Variants in RIMS2 observed in about 807,000 individuals in gnomAD.
RIMS2 encodes the protein regulating synaptic membrane exocytosis 2.
In RIMS2, 59 loss-of-function variants were observed where a neutral mutation model predicts 174.4. The ratio of observed to expected loss-of-function variants is 0.34; its 90% CI spans 0.27 to 0.42. The LOEUF (loss-of-function observed/expected upper bound fraction) is 0.42. RIMS2 is among the 10% of genes least tolerant of loss of function. RIMS2 has a pLI of 1.00. For synonymous variants in RIMS2, 606 were observed against 572.5 expected (o/e 1.06, Z -0.84); for missense variants, 1,620 against 1,666.3 (o/e 0.97, Z 0.48).
chr8:104,119,054 C>T (rs982060475), intron 19 of RIMS2, among the ~76,000 whole-genome samples: 3 of 151,886 alleles, frequency 2.0e-5, no homozygotes, highest in Non-Finnish European at 4.4e-5. Context: ...GGCACGGACA[C>T]GTACAAATTT....
chr8:103,756,326 C>T (rs1430125825), intron 2 of RIMS2, among the ~76,000 whole-genome samples: 9 of 150,602 alleles, frequency 6.0e-5, no homozygotes, highest in Admixed American at 2.6e-4. Flanking sequence ...AGACCGGAGC[C>T]GTTCCTAGTC....
intron 19 of RIMS2, among the ~76,000 whole-genome samples, chr8:104,189,801 C>A (rs2136309869): frequency 1.3e-5 from 2 of 151,794 alleles, no homozygotes; most frequent in East Asian, 3.9e-4. Context: ...AGTTTTTAAT[C>A]TGAATCTCTG....
At chr8:103,908,131 T>A (rs2074886738) in intron 4 of RIMS2, among the ~76,000 whole-genome samples, 1 of 152,024 alleles carries the variant, frequency 6.6e-6, no homozygotes, top group Admixed American at 6.5e-5. Context: ...AACCTCCGCC[T>A]CCCAGGTTCA....
chr8:104,062,702 A>G (rs2097024470), intron 19 of RIMS2, among the ~76,000 whole-genome samples: 1 of 152,178 alleles, frequency 6.6e-6, no homozygotes. Flanking sequence ...TTCATTTGAT[A>G]CATACTTAAA....
chr8:103,920,337 AT>A (rs2077365778), intron 9 of RIMS2, among the ~76,000 whole-genome samples: 1 of 152,040 alleles, frequency 6.6e-6, no homozygotes, highest in Non-Finnish European at 1.5e-5. Flanking sequence ...CAAAGAATAC[AT>A]TCTGTTGTGT....
rs556751263 is a variant in RIMS2 at position 103,597,413 on chromosome 8, C to T, written c.176+96351C>T. 1.7e-3 allele frequency among the ~76,000 whole-genome samples: 260 copies of T among 152,196 alleles called. 1 individual carries two copies. Among genetic ancestry groups the T allele is most frequent in the Non-Finnish European group, 3.0e-3 (207 of 68,004 alleles). On this transcript the variant is annotated intron_variant, in intron 1 of 23. Transcript: ENST00000504942. ...CCTCTTGTGTCCCTGTTTATGCATA[C>T]CCTTCTGGCTCTGGCTCCATTTAGC...
intron 19 of RIMS2, among the ~76,000 whole-genome samples, chr8:104,078,163 C>CAA (rs36009469): frequency 7.4e-6 from 1 of 134,282 alleles, no homozygotes. Flanking sequence ...AAAAACAAAC[C>CAA]AAAAAAAAAA....
At chr8:103,767,759 T>A (rs2098193512) in intron 3 of RIMS2, among the ~76,000 whole-genome samples, 1 of 152,312 alleles carries the variant, frequency 6.6e-6, no homozygotes, top group Non-Finnish European at 1.5e-5. Context: ...AAACAATGAC[T>A]GCACCAGTTC....
intron 4 of RIMS2, among the ~76,000 whole-genome samples, chr8:103,900,165 A>G (rs991584254): frequency 6.6e-6 from 1 of 151,502 alleles, no homozygotes; most frequent in Admixed American, 6.6e-5. Flanking sequence ...ATCCAGCCAA[A>G]CTAAGCTTCA....
chr8:103,718,711 A>G (rs570036688), intron 2 of RIMS2, among the ~76,000 whole-genome samples: 26 of 151,860 alleles, frequency 1.7e-4, no homozygotes, highest in African/African-American at 6.3e-4. Flanking sequence ...TCTGTTGCCC[A>G]GGCTGGAGTG....
intron 1 of RIMS2, among the ~76,000 whole-genome samples, chr8:103,647,271 T>C (rs1480553120): frequency 6.6e-6 from 1 of 152,156 alleles, no homozygotes; most frequent in Non-Finnish European, 1.5e-5. Context: ...TTTGCATCAG[T>C]GTTCATCAAG....
chr8:103,564,187 T>C (rs1283293285), intron 1 of RIMS2, among the ~76,000 whole-genome samples: 1 of 152,202 alleles, frequency 6.6e-6, no homozygotes, highest in African/African-American at 2.4e-5. Flanking sequence ...TTTGTTCAAC[T>C]CATCCAAAGT....
intron 3 of RIMS2, among the ~76,000 whole-genome samples, chr8:103,776,339 G>A (rs548298112): frequency 1.7e-4 from 26 of 152,198 alleles, no homozygotes; most frequent in African/African-American, 6.3e-4. Context: ...TGACATTGCT[G>A]TGCCATTTGC....
At chr8:103,884,142 CG>C (rs1021347919) in intron 3 of RIMS2, among the ~76,000 whole-genome samples, 10 of 151,686 alleles carry the variant, frequency 6.6e-5, no homozygotes, top group African/African-American at 2.4e-4. Context: ...TTCTGTGACC[CG>C]GGGGAGATAT....
intron 3 of RIMS2, among the ~76,000 whole-genome samples, chr8:103,840,051 A>G (rs2098930444): frequency 6.6e-6 from 1 of 152,214 alleles, no homozygotes; most frequent in Non-Finnish European, 1.5e-5. Context: ...CCGCTTTCTC[A>G]AGAATCTCAG....
intron 19 of RIMS2, among the ~76,000 whole-genome samples, chr8:104,100,924 T>C (rs2097866308): frequency 7.9e-6 from 1 of 126,190 alleles, no homozygotes; most frequent in African/African-American, 3.3e-5. Flanking sequence ...ATATATTATA[T>C]ATGTGATATA....
At chr8:104,031,311 A>T (rs10095841) in intron 19 of RIMS2, among the ~76,000 whole-genome samples, 34,343 of 151,994 alleles carry the variant, frequency 0.23, 4,038 homozygotes, top group South Asian at 0.35. Context: ...AATAAAACAA[A>T]GTTTAGTAAA....
intron 19 of RIMS2, among the ~76,000 whole-genome samples, chr8:104,103,249 C>T (rs1405743037): frequency 6.6e-6 from 1 of 152,000 alleles, no homozygotes; most frequent in East Asian, 1.9e-4. Context: ...TGGAGAATGA[C>T]TACTAATAGA....
intron 3 of RIMS2, among the ~76,000 whole-genome samples, chr8:103,827,151 G>T (rs1029247306): frequency 6.6e-6 from 1 of 151,980 alleles, no homozygotes; most frequent in Non-Finnish European, 1.5e-5. Flanking sequence ...TATCCAAACA[G>T]TGTTTTATAG....
Sources: gnomAD v4.1 joint callset for allele counts (sites outside exome capture counted in the v4.1 genomes callset) on GRCh38, gnomAD v4.1.1 for gene constraint, MANE v1.5 for transcripts, NCBI Gene and HGNC (gene_info 2026-07-23, HGNC 2026-07-21) for gene names.